PPP1R16B: variants seen among roughly 807,000 people sequenced by gnomAD.
PPP1R16B encodes protein phosphatase 1 regulatory subunit 16B.
Under a neutral mutation model 61.7 loss-of-function variants are expected in PPP1R16B, and 14 were observed. The observed-to-expected ratio is 0.23, with a 90% confidence interval of 0.15 to 0.35. PPP1R16B has a LOEUF of 0.35. Ranked by LOEUF, PPP1R16B falls within the 10% of genes least tolerant of loss-of-function variation. PPP1R16B has a pLI of 1.00. For missense variants in PPP1R16B, 547 were observed against 752.5 expected (o/e 0.73, Z 3.19); for synonymous variants, 266 against 305.3 (o/e 0.87, Z 1.34).
intron 2 of PPP1R16B, among the ~76,000 whole-genome samples, chr20:38,884,071 C>T (rs751117369): frequency 2.0e-5 from 3 of 152,112 alleles, no homozygotes; most frequent in African/African-American, 4.8e-5. Flanking sequence ...CACTCCTGGC[C>T]GAAGGGAATA....
At chr20:38,881,134 G>A (rs568732351) in intron 2 of PPP1R16B, among the ~76,000 whole-genome samples, 3 of 152,164 alleles carry the variant, frequency 2.0e-5, no homozygotes, top group Non-Finnish European at 4.4e-5. Context: ...CCAGGATCCC[G>A]GGGGAGCTGC....
chr20:38,906,225 A>G, intron 7 of PPP1R16B, 131 bp downstream of exon 7: 1 of 767,616 alleles, frequency 1.3e-6, no homozygotes, highest in South Asian at 2.6e-5. Flanking sequence ...TATAGCTCAT[A>G]TGTGGGATAT....
intron 1 of PPP1R16B, among the ~76,000 whole-genome samples, chr20:38,828,887 C>G (rs966854924): frequency 6.6e-6 from 1 of 152,196 alleles, no homozygotes; most frequent in Non-Finnish European, 1.5e-5. Flanking sequence ...TAATAGTCTT[C>G]TTTCTTTTTT....
At chr20:38,870,115 G>A (rs540752955) in intron 2 of PPP1R16B, among the ~76,000 whole-genome samples, 1 of 151,896 alleles carries the variant, frequency 6.6e-6, no homozygotes, top group African/African-American at 2.4e-5. Context: ...GTAGAGATGG[G>A]GTCTCACCAT....
intron 10 of PPP1R16B, among the ~76,000 whole-genome samples, chr20:38,914,421 A>G (rs1392893447): frequency 6.6e-6 from 1 of 152,160 alleles, no homozygotes; most frequent in Non-Finnish European, 1.5e-5. Context: ...CCAGTATCTC[A>G]GTTCAACATT....
rs75166167 is a variant in PPP1R16B at position 38,886,309 on chromosome 20, A to G, written c.251-3286A>G. ...CTCTTGGGCTGAAAATAACTGCCCAACATCAGGGTAATTACATGACTTGGA... is the reference window on the plus strand; with the variant it reads ...CTCTTGGGCTGAAAATAACTGCCCAGCATCAGGGTAATTACATGACTTGGA... On this transcript the variant is annotated intron_variant, in intron 2 of 10. Transcript: ENST00000299824. Among the ~76,000 whole-genome samples the G allele has an allele frequency of 6.6e-5, 10 of 152,254 alleles. No individual in the cohort carries two copies. The East Asian group carries it at 1.9e-3, about 29-fold the overall frequency.
At chr20:38,847,944 AT>A (rs906168969) in intron 2 of PPP1R16B, among the ~76,000 whole-genome samples, 1 of 151,738 alleles carries the variant, frequency 6.6e-6, no homozygotes, top group African/African-American at 2.4e-5. Context: ...AAATCATTTT[AT>A]TTTTTTTATC....
intron 1 of PPP1R16B, among the ~76,000 whole-genome samples, chr20:38,824,621 TC>T (rs2084793667): frequency 6.6e-6 from 1 of 152,276 alleles, no homozygotes; most frequent in Non-Finnish European, 1.5e-5. Context: ...CATTCTTTTG[TC>T]CCCCAGGGTA....
intron 2 of PPP1R16B, among the ~76,000 whole-genome samples, chr20:38,876,266 C>T (rs555733015): frequency 6.6e-6 from 1 of 152,292 alleles, no homozygotes; most frequent in Admixed American, 6.5e-5. Context: ...AGCCACCACT[C>T]TCAGCCATTG....
In PPP1R16B at chr20:38,906,597, C is replaced by G. The variant is rs182364475; in HGVS notation, c.823-382C>G. On this transcript the variant is annotated intron_variant, in intron 7 of 10. Transcript: ENST00000299824. Reference sequence around the variant, plus strand: ...CCATGCCTGGCTGACAAGTTGTGTTCTAATAGGATGGTAATCAAATTTGCC... The same window carrying G: ...CCATGCCTGGCTGACAAGTTGTGTTGTAATAGGATGGTAATCAAATTTGCC... Among the ~76,000 whole-genome samples, 38 of 152,252 alleles carry G rather than the reference C, an allele frequency of 2.5e-4. 2 individuals carry two copies. The East Asian group carries it at 6.6e-3, about 26-fold the overall frequency.
chr20:38,808,952 G>C (rs1410363555), intron 1 of PPP1R16B, among the ~76,000 whole-genome samples: 1 of 152,024 alleles, frequency 6.6e-6, no homozygotes, highest in Non-Finnish European at 1.5e-5. Context: ...AGAATTGCTT[G>C]AACCCGGGAG....
intron 5 of PPP1R16B, among the ~76,000 whole-genome samples, chr20:38,901,896 T>A (rs1167011847): frequency 1.3e-5 from 2 of 152,260 alleles, no homozygotes; most frequent in Non-Finnish European, 2.9e-5. Context: ...CAGGCACTGC[T>A]AACACTACTG....
chr20:38,873,367 T>C (rs2085143241), intron 2 of PPP1R16B, among the ~76,000 whole-genome samples: 1 of 152,128 alleles, frequency 6.6e-6, no homozygotes, highest in South Asian at 2.1e-4. Flanking sequence ...CCTTCAGGTT[T>C]GAGACCACTT....
At chr20:38,864,045 A>G (rs2085073864) in intron 2 of PPP1R16B, among the ~76,000 whole-genome samples, 1 of 152,238 alleles carries the variant, frequency 6.6e-6, no homozygotes, top group Admixed American at 6.5e-5. Context: ...TATACCATGG[A>G]TGAACTTTGA....
At chr20:38,834,023 C>T (rs2084853818) in intron 1 of PPP1R16B, among the ~76,000 whole-genome samples, 1 of 152,190 alleles carries the variant, frequency 6.6e-6, no homozygotes, top group Non-Finnish European at 1.5e-5. Context: ...ATGTAGACTC[C>T]TGCCATTCTT....
intron 1 of PPP1R16B, among the ~76,000 whole-genome samples, chr20:38,834,208 G>A (rs977924693): frequency 1.3e-5 from 2 of 152,094 alleles, no homozygotes; most frequent in African/African-American, 2.4e-5. Context: ...TAAGGGTCTC[G>A]CTATGTTCCC....
At chr20:38,809,511 C>T (rs2084684493) in intron 1 of PPP1R16B, among the ~76,000 whole-genome samples, 2 of 152,120 alleles carry the variant, frequency 1.3e-5, no homozygotes, top group Admixed American at 1.3e-4. Context: ...AAGGCTGCAA[C>T]AGCAAGAAGA....
At chr20:38,889,565 G>C in intron 2 of PPP1R16B, 30 bp from the exon 3 acceptor site, 1 of 1,534,110 alleles carries the variant, frequency 6.5e-7, no homozygotes, top group East Asian at 2.2e-5. Flanking sequence ...TGTGCAACGG[G>C]AAGCTCACTC....
intron 1 of PPP1R16B, among the ~76,000 whole-genome samples, chr20:38,825,281 A>G (rs1421417011): frequency 6.6e-6 from 1 of 152,194 alleles, no homozygotes; most frequent in Non-Finnish European, 1.5e-5. Context: ...TACCAACAGC[A>G]TGCTGTCTCC....
Sources: gnomAD v4.1 joint callset for allele counts (sites outside exome capture counted in the v4.1 genomes callset) on GRCh38, gnomAD v4.1.1 for gene constraint, MANE v1.5 for transcripts, NCBI Gene and HGNC (gene_info 2026-07-23, HGNC 2026-07-21) for gene names.